GJE1: variants seen among roughly 807,000 people sequenced by gnomAD.
GJE1 encodes the protein gap junction epsilon-1 protein.
GJE1 carries 9 observed loss-of-function variants against 6.2 expected under a neutral mutation model. That is an observed-to-expected ratio of 1.45 (90% CI 0.87 to 2.52). The LOEUF is 2.52. GJE1 is among the 30% of genes most tolerant of loss of function. The probability of loss-of-function intolerance (pLI) is 0.00; values close to 1 mark genes in which losing one functional copy is unlikely to be tolerated. For missense variants in GJE1, 190 were observed against 87.7 expected (o/e 2.17, Z -4.66); for synonymous variants, 65 against 30.1 (o/e 2.16, Z -3.80).
At position 142,134,802 on chromosome 6, in the gene GJE1, C is replaced by G. The variant is rs779222994; in HGVS notation, c.498C>G (p.His166Gln). 11 of 677,120 alleles carry G rather than the reference C, an allele frequency of 1.6e-5. No individual in the cohort carries two copies. The South Asian group carries it at 1.8e-4, about 11-fold the overall frequency. 41.9% of individuals were successfully genotyped at this position (677,120 alleles called of 1,614,324 possible). ...TTATAAGATGCATGGTTCCAGAACA[C>G]TTTGAAAAAACCATTTTTCTCATTG... Residue 166 changes from histidine (H) to glutamine (Q), a missense_variant, in exon 3 of 3, where the codon CAC (histidine) becomes CAG (glutamine). Transcript: ENST00000450456.
chr6:142,134,850 T>G (rs1778221662), exon 3 of GJE1: 1 of 646,484 alleles, frequency 1.5e-6, no homozygotes, highest in African/African-American at 1.8e-5. Flanking sequence ...TTACAACAAT[T>G]ACAATTTTAT....
intron 1 of GJE1, 151 bp from the exon 2 acceptor site, chr6:142,133,699 A>T (rs1778188728): frequency 2.2e-6 from 1 of 462,316 alleles, no homozygotes; most frequent in Non-Finnish European, 3.8e-6. Flanking sequence ...ATAATGCAGG[A>T]ATTATATTTG....
exon 2 of GJE1, chr6:142,134,004 A>C (rs938296778): frequency 4.3e-6 from 3 of 702,306 alleles, no homozygotes; most frequent in Middle Eastern, 2.3e-4. Context: ...CTCTTCTGTT[A>C]CAATCAGTTC....
In GJE1 at chr6:142,134,707, A is replaced by G. The variant is rs1778216568; in HGVS notation, c.403A>G (p.Ile135Val). ...AGCGGCAATAGCATTCTGGCTTCAGATTTACCTCTTTGGTTTCCAAGTAAA... is the reference window on the plus strand; with the variant it reads ...AGCGGCAATAGCATTCTGGCTTCAGGTTTACCTCTTTGGTTTCCAAGTAAA... The change falls in exon 3 of 3, where the codon ATT (isoleucine) becomes GTT (valine). Residue 135 changes from isoleucine to valine, a missense_variant. Ile to Val is a conservative substitution (Grantham distance 29, BLOSUM62 3). Transcript: ENST00000450456. 1.4e-5 allele frequency: 10 copies of G among 692,912 alleles called. No individual in the cohort carries two copies. The South Asian group carries it at 1.5e-4, about 11-fold the overall frequency. 42.9% of individuals were successfully genotyped at this position (692,912 alleles called of 1,614,324 possible). A position where few individuals can be genotyped will look rare whatever the true frequency, so the allele number is the denominator to read the frequency against.
At chr6:142,134,872 G>A (rs147153013) in exon 3 of GJE1, 47 of 623,038 alleles carry the variant, frequency 7.5e-5, no homozygotes, top group African/African-American at 6.5e-4. Flanking sequence ...ATTTGTTGCT[G>A]AGATTTTTGA....
rs1223614705 is a variant in GJE1 at position 142,133,996 on chromosome 6, C to A, written c.186C>A (p.Leu62=). The change falls in exon 2 of 3, where the codon CTC becomes CTA. Residue 62 remains leucine (L), a synonymous_variant. Coordinates refer to ENST00000450456, the Ensembl canonical transcript of GJE1. ...ATCCAGACAAAAGAGAAGTAAACCT[C>A]TTCTGTTACAATCAGTTCAGGCCAA... is the stretch of plus-strand genomic sequence containing the variant. 8.5e-6 allele frequency: 6 copies of A among 702,362 alleles called. No individual in the cohort carries two copies. The Admixed American group carries it at 1.2e-4, about 14-fold the overall frequency. The allele number at this position is 702,362 out of a possible 1,614,324, so 43.5% of individuals were successfully genotyped here. A position where few individuals can be genotyped will look rare whatever the true frequency, so the allele number is the denominator to read the frequency against.
At chr6:142,134,764 G>A (rs1253995570) in exon 3 of GJE1, 1 of 690,356 alleles carries the variant, frequency 1.4e-6, no homozygotes, top group Non-Finnish European at 2.6e-6. Context: ...TAGATCTCTT[G>A]GGGAAAACAT....
chr6:142,134,920 T>C, exon 3 of GJE1: 1 of 555,680 alleles, frequency 1.8e-6, no homozygotes, highest in East Asian at 3.0e-5. Context: ...ATTCAGACAA[T>C]GACCAAATAA....
chr6:142,134,453 GT>G (rs2114609750), intron 2 of GJE1, 85 bp from the exon 3 acceptor site: 1 of 459,484 alleles, frequency 2.2e-6, no homozygotes, highest in African/African-American at 2.0e-5. Context: ...TCTGTTGAGA[GT>G]TAGTGGGGTT....
chr6:142,133,876 AT>A lies in GJE1; in HGVS notation c.68del (p.Phe23SerfsTer17). The A allele has an allele frequency of 2.9e-6, 2 of 700,952 alleles. No homozygotes were observed. Among genetic ancestry groups the A allele is most frequent in the Non-Finnish European group, 5.2e-6 (2 of 383,580 alleles). 43.4% of individuals were successfully genotyped at this position (700,952 alleles called of 1,614,324 possible). On this transcript the variant is annotated frameshift_variant, in exon 2 of 3. Transcript: ENST00000450456. LOFTEE classifies it high-confidence loss of function. ...TTAAACCTCCAACTGTGATTGGTCA[AT>A]TCCACACCCTTTTCTTTGGATCGAT...
downstream of GJE1, chr6:142,135,220 T>G (rs994652429): frequency 2.8e-4 from 47 of 166,340 alleles, no homozygotes; most frequent in Admixed American, 2.9e-3. Context: ...CCAGAGAAAC[T>G]TTTATTGTCT....
At chr6:142,133,486 T>C (rs1778183899) in intron 1 of GJE1, among the ~76,000 whole-genome samples, 2 of 152,202 alleles carry the variant, frequency 1.3e-5, no homozygotes, top group African/African-American at 2.4e-5. Context: ...GTTAAGATAG[T>C]GTACGGACTG....
At chr6:142,135,039 A>T in exon 3 of GJE1, 1 of 446,538 alleles carries the variant, frequency 2.2e-6, no homozygotes, top group Admixed American at 4.0e-5. Context: ...ATTTTTGTCT[A>T]CTATAAAATA....
upstream of GJE1, chr6:142,133,073 G>A: frequency 1.7e-6 from 1 of 583,914 alleles, no homozygotes; most frequent in South Asian, 2.1e-5. Context: ...CTGAGAGAAT[G>A]TAAGAGTTTG....
intron 1 of GJE1, 104 bp from the exon 2 acceptor site, chr6:142,133,746 C>A: frequency 1.9e-6 from 1 of 518,000 alleles, no homozygotes; most frequent in South Asian, 3.4e-5. Context: ...GGCTTCAAAA[C>A]TTCTTGACTC....
At chr6:142,135,036 T>C (rs891603379) in exon 3 of GJE1, 3 of 448,778 alleles carry the variant, frequency 6.7e-6, no homozygotes, top group African/African-American at 6.1e-5. Flanking sequence ...GAAATTTTTG[T>C]CTACTATAAA....
chr6:142,133,044 G>C, upstream of GJE1: 1 of 505,302 alleles, frequency 2.0e-6, no homozygotes, highest in East Asian at 3.0e-5. Context: ...AGTGATGAGT[G>C]TTTTCTGCTG....
At chr6:142,133,311 G>A in intron 1 of GJE1, 114 bp downstream of exon 1, 1 of 448,144 alleles carries the variant, frequency 2.2e-6, no homozygotes, top group Non-Finnish European at 4.0e-6. Context: ...ATACTGTTAA[G>A]TGTCAACCAT....
chr6:142,133,154 G>A (rs1778175149), exon 1 of GJE1: 3 of 677,218 alleles, frequency 4.4e-6, no homozygotes, highest in African/African-American at 1.8e-5. Flanking sequence ...AACATCTCCT[G>A]AGACATGTCT....
Sources: allele counts gnomAD v4.1 joint callset (sites outside exome capture counted in the v4.1 genomes callset), GRCh38; gene constraint gnomAD v4.1.1; transcripts MANE v1.5; gene names NCBI Gene and HGNC (gene_info 2026-07-23, HGNC 2026-07-21).